Variants in ADCY2 observed in about 807,000 individuals in gnomAD.
The protein encoded by ADCY2 is adenylate cyclase 2.
In ADCY2, 31 loss-of-function variants were observed where a neutral mutation model predicts 125.2. The ratio of observed to expected loss-of-function variants is 0.25; its 90% CI spans 0.19 to 0.33. The LOEUF (loss-of-function observed/expected upper bound fraction) is 0.33. Among genes scored for constraint, ADCY2 ranks in the 10% least tolerant of loss-of-function variants. ADCY2 has a pLI of 1.00. For missense variants in ADCY2, 904 were observed against 1,418.2 expected (o/e 0.64, Z 5.82); for synonymous variants, 512 against 548.4 (o/e 0.93, Z 0.93).
chr5:7,716,791 C>A (rs1209627986), intron 11 of ADCY2, among the ~76,000 whole-genome samples: 1 of 152,056 alleles, frequency 6.6e-6, no homozygotes, highest in Admixed American at 6.6e-5. Context: ...TGATAGATAC[C>A]AGAGACTATC....
chr5:7,540,733 A>ACAGGC (rs1443356714), intron 3 of ADCY2, among the ~76,000 whole-genome samples: 3 of 152,328 alleles, frequency 2.0e-5, no homozygotes, highest in Admixed American at 6.5e-5. Flanking sequence ...TTGGAAGAAG[A>ACAGGC]CAGGCTCCTG....
chr5:7,463,618 T>TTAA (rs1211346803), intron 2 of ADCY2, among the ~76,000 whole-genome samples: 5 of 102,560 alleles, frequency 4.9e-5, no homozygotes, highest in African/African-American at 1.6e-4. Flanking sequence ...AGGTGATAGA[T>TTAA]AAAAAAAAAA....
chr5:7,699,081 A>ATTTTTTT (rs561359357), intron 7 of ADCY2, among the ~76,000 whole-genome samples: 781 of 37,966 alleles, frequency 0.021, 205 homozygotes, highest in East Asian at 0.043. Flanking sequence ...AACAGTAAGC[A>ATTTTTTT]TTTTTTTTTT....
At chr5:7,398,693 C>A (rs536799817) in intron 1 of ADCY2, among the ~76,000 whole-genome samples, 1 of 152,306 alleles carries the variant, frequency 6.6e-6, no homozygotes, top group African/African-American at 2.4e-5. Context: ...GTTCCAGAAT[C>A]AGGGAGGGTT....
rs148822994 is a variant in ADCY2, at chr5:7,503,546, T to C, written c.409-17192T>C. 2.1e-3 allele frequency among the ~76,000 whole-genome samples: 327 copies of C among 152,320 alleles called. 2 individuals are homozygous for C. The highest frequency in any genetic ancestry group is 7.3e-3 in the African/African-American group (303 of 41,574). ...CATAGGGACAAGAAAGCTGCCAGACTCCCAGGTTTTGACCCACATGCTGCC... is the reference window on the plus strand; with the variant it reads ...CATAGGGACAAGAAAGCTGCCAGACCCCCAGGTTTTGACCCACATGCTGCC... On this transcript the variant is annotated intron_variant, in intron 2 of 24. Transcript: ENST00000338316.
intron 7 of ADCY2, among the ~76,000 whole-genome samples, chr5:7,701,856 G>A (rs12655009): frequency 0.5 from 76,239 of 151,978 alleles, 19,633 homozygotes; most frequent in East Asian, 0.83. Context: ...ATATTCCCCC[G>A]TAGGTATATA....
chr5:7,757,305 TG>T, intron 15 of ADCY2, 143 bp from the exon 16 acceptor site: 3 of 1,028,072 alleles, frequency 2.9e-6, no homozygotes, highest in East Asian at 2.5e-5. Flanking sequence ...TGACTTCGTA[TG>T]GGTCCCCAGG....
intron 2 of ADCY2, among the ~76,000 whole-genome samples, chr5:7,474,400 A>G (rs1332614878): frequency 3.3e-5 from 5 of 152,226 alleles, no homozygotes; most frequent in Non-Finnish European, 1.5e-5. Flanking sequence ...GAAGGAGATT[A>G]ACAAGATGCT....
intron 1 of ADCY2, among the ~76,000 whole-genome samples, chr5:7,406,726 G>A (rs1316161511): frequency 6.6e-6 from 1 of 152,164 alleles, no homozygotes; most frequent in Non-Finnish European, 1.5e-5. Context: ...TAAATAAGAA[G>A]GCACAGTTTC....
chr5:7,460,274 G>C (rs73046317), intron 2 of ADCY2, among the ~76,000 whole-genome samples: 2,794 of 151,976 alleles, frequency 0.018, 80 homozygotes, highest in African/African-American at 0.064. Flanking sequence ...TGTTGCCCAG[G>C]CTGAAGAGCA....
At chr5:7,558,823 A>C (rs1216709877) in intron 3 of ADCY2, among the ~76,000 whole-genome samples, 1 of 152,104 alleles carries the variant, frequency 6.6e-6, no homozygotes, top group Non-Finnish European at 1.5e-5. Flanking sequence ...TGGGTTTTAC[A>C]TTTAAGTCTT....
chr5:7,657,766 T>C (rs1409760615), intron 4 of ADCY2, among the ~76,000 whole-genome samples: 1 of 152,194 alleles, frequency 6.6e-6, no homozygotes, highest in Non-Finnish European at 1.5e-5. Context: ...CCATGAGGTT[T>C]CCGGGGGTCA....
At chr5:7,808,552 C>T (rs1744830412) in intron 22 of ADCY2, among the ~76,000 whole-genome samples, 1 of 152,182 alleles carries the variant, frequency 6.6e-6, no homozygotes, top group Admixed American at 6.5e-5. Context: ...GATGGAGAAA[C>T]TGAGGCACGG....
intron 2 of ADCY2, among the ~76,000 whole-genome samples, chr5:7,459,043 G>A (rs1010698563): frequency 7.9e-5 from 12 of 152,184 alleles, no homozygotes; most frequent in Non-Finnish European, 1.0e-4. Context: ...AGGTCTGTGC[G>A]TTGGCTGGGA....
At chr5:7,686,532 T>C (rs1740526434) in intron 4 of ADCY2, among the ~76,000 whole-genome samples, 1 of 152,236 alleles carries the variant, frequency 6.6e-6, no homozygotes, top group South Asian at 2.1e-4. Flanking sequence ...TCTCAGTAGT[T>C]GCATGAGCTT....
intron 15 of ADCY2, among the ~76,000 whole-genome samples, chr5:7,749,474 C>G (rs1180388252): frequency 6.6e-6 from 1 of 152,082 alleles, no homozygotes; most frequent in Non-Finnish European, 1.5e-5. Flanking sequence ...GATTCAAGTT[C>G]ACATTTTCAT....
At chr5:7,690,504 A>G (rs1254553094) in intron 4 of ADCY2, 187 bp from the exon 5 acceptor site, 4 of 408,200 alleles carry the variant, frequency 9.8e-6, no homozygotes, top group African/African-American at 2.0e-5. Context: ...AAATAATATA[A>G]TGATACAGTC....
chr5:7,598,200 G>A (rs961327901), intron 3 of ADCY2, among the ~76,000 whole-genome samples: 12 of 152,138 alleles, frequency 7.9e-5, no homozygotes, highest in South Asian at 2.1e-4. Flanking sequence ...AGTCACTTCC[G>A]TAGTGGCCAA....
At chr5:7,772,621 A>T (rs537868960) in intron 17 of ADCY2, among the ~76,000 whole-genome samples, 1 of 152,304 alleles carries the variant, frequency 6.6e-6, no homozygotes, top group East Asian at 1.9e-4. Context: ...GAAATAGATA[A>T]CATTGGCTTA....
Sources: allele counts gnomAD v4.1 joint callset (sites outside exome capture counted in the v4.1 genomes callset), GRCh38; gene constraint gnomAD v4.1.1; transcripts MANE v1.5; gene names NCBI Gene and HGNC (gene_info 2026-07-23, HGNC 2026-07-21).